EGF: variants seen among roughly 807,000 people sequenced by gnomAD.
The protein encoded by EGF is epidermal growth factor, also known as pro-epidermal growth factor.
In EGF, 95 loss-of-function variants were observed where a neutral mutation model predicts 143.8. The ratio of observed to expected loss-of-function variants is 0.66; its 90% confidence interval spans 0.56 to 0.78. The LOEUF (loss-of-function observed/expected upper bound fraction) is 0.78, where lower values mean the gene tolerates loss of function less well. EGF is among the 30% of genes least tolerant of loss of function. The probability of loss-of-function intolerance (pLI) is 0.00; values close to 1 mark genes in which losing one functional copy is unlikely to be tolerated. For synonymous variants in EGF, 510 were observed against 510.5 expected, an observed-to-expected ratio of 1.00 and a Z score of 0.01; for missense variants, 1,320 against 1,470.9, an observed-to-expected ratio of 0.90 and a Z score of 1.68.
Position 109,960,937 on chromosome 4 carries a change from C to T in EGF, c.1137C>T (p.Tyr379=), listed in dbSNP as rs971946479. ...GTAAAAACACCCCTGGATCCTATTA[C>T]TGCACGTGCCCTGTAGGATTTGTTC... ...LGCKNTPGSY[Y]CTCPVGFVLL... is the part of the protein sequence containing the mutation. Residue 379 remains tyrosine, a synonymous_variant, in exon 7 of 24, where the codon TAC becomes TAT. Transcript: ENST00000265171. The T allele has an allele frequency of 1.7e-5, 27 of 1,613,812 alleles. No homozygotes were observed. The highest frequency in any genetic ancestry group is 2.3e-5 in the Non-Finnish European group (27 of 1,179,894).
At chr4:109,985,351 A>G (rs1157793779) in intron 16 of EGF, among the ~76,000 whole-genome samples, 3 of 152,230 alleles carry the variant, frequency 2.0e-5, no homozygotes, top group African/African-American at 7.2e-5. Flanking sequence ...CAAAGTGTCT[A>G]TGGCTAAAAG....
chr4:109,914,079 A>G (rs1353679729), intron 1 of EGF, among the ~76,000 whole-genome samples: 1 of 152,206 alleles, frequency 6.6e-6, no homozygotes, highest in African/African-American at 2.4e-5. Flanking sequence ...ATAATGGGTA[A>G]ATAAGCCACA....
Position 110,011,316 on chromosome 4 carries a change from A to G in EGF, c.3485A>G (p.Glu1162Gly). 2 of 1,614,096 alleles carry G rather than the reference A, an allele frequency of 1.2e-6. No homozygotes were observed. Among genetic ancestry groups the G allele is most frequent in the Non-Finnish European group, 1.7e-6 (2 of 1,180,008 alleles). ...SDKGSCPQVM[E>G]RSFHMPSYGT... is the part of the protein sequence containing the mutation. Reference sequence around the variant, plus strand: ...AAGGGCTCCTGTCCCCAGGTAATGGAGCGAAGCTTTCATATGCCCTCCTAT... The same window carrying G: ...AAGGGCTCCTGTCCCCAGGTAATGGGGCGAAGCTTTCATATGCCCTCCTAT... Residue 1162 changes from glutamate (E) to glycine (G), a missense_variant, in exon 24 of 24, where the codon GAG becomes GGG. By Grantham distance (98) the Glu-to-Gly change is moderately conservative. Around this residue, in one of 5 missense-constraint regions of EGF, gnomAD observed 1,186 missense variants for 1,313.7 expected, o/e 0.90. Transcript: ENST00000265171.
rs201803207 is a variant in EGF, at chr4:110,011,319, G to A, written c.3488G>A (p.Arg1163Gln). 3.7e-5 allele frequency: 59 copies of A among 1,614,008 alleles called. No homozygotes were observed. Among genetic ancestry groups the A allele is most frequent in the Middle Eastern group, 1.6e-4 (1 of 6,082 alleles). ...GGCTCCTGTCCCCAGGTAATGGAGC[G>A]AAGCTTTCATATGCCCTCCTATGGG... Reference protein sequence around the residue: ...DKGSCPQVMERSFHMPSYGTQ... With the variant: ...DKGSCPQVMEQSFHMPSYGTQ... The change falls in exon 24 of 24, where the codon CGA (arginine) becomes CAA (glutamine). Residue 1163 changes from arginine to glutamine, a missense_variant. Arg to Gln is a conservative substitution (Grantham distance 43, BLOSUM62 1). Around this residue, in one of 5 missense-constraint regions of EGF, gnomAD observed 1,186 missense variants for 1,313.7 expected, o/e 0.90. Coordinates refer to ENST00000265171, the MANE Select transcript of EGF (RefSeq NM_001963.6).
intron 18 of EGF, 30 bp downstream of exon 18, chr4:109,988,739 G>A (rs759253858): frequency 1.9e-6 from 3 of 1,612,928 alleles, no homozygotes; most frequent in Non-Finnish European, 2.5e-6. Context: ...GGGGAGGAGG[G>A]CAGAGGCAGG....
At chr4:109,963,434 T>C (rs1746036577) in intron 9 of EGF, 136 bp downstream of exon 9, 1 of 1,066,374 alleles carries the variant, frequency 9.4e-7, no homozygotes, top group Non-Finnish European at 1.4e-6. Context: ...ATTGTAAATA[T>C]GAATAATATG....
In EGF at chr4:109,971,839, G is replaced by T. The variant is rs936048331; in HGVS notation, c.1724+2720G>T. On this transcript the variant is annotated intron_variant, in intron 11 of 23. Coordinates refer to ENST00000265171, the MANE Select transcript of EGF (RefSeq NM_001963.6). ...AAAGGGGCAAAGTGGGATGCTTGCA[G>T]TTCCTTTTTGGCCTAGGAAAAGACA... Among the ~76,000 whole-genome samples, 19 of 152,270 alleles carry T rather than the reference G, an allele frequency of 1.2e-4. No individual in the cohort carries two copies. The Middle Eastern group carries it at 0.01, about 82-fold the overall frequency.
intron 10 of EGF, among the ~76,000 whole-genome samples, chr4:109,967,325 G>A (rs1560705925): frequency 6.6e-6 from 1 of 152,002 alleles, no homozygotes; most frequent in Non-Finnish European, 1.5e-5. Flanking sequence ...TATTTTTGTG[G>A]ACTTTGTCAA....
chr4:109,987,638 A>C lies in EGF; in HGVS notation c.2492-106A>C, dbSNP rs11569044. 4.2e-4 allele frequency: 388 copies of C among 919,008 alleles called. No homozygotes were observed. The African/African-American group carries it at 5.6e-3, about 13-fold the overall frequency. 56.9% of individuals were successfully genotyped at this position (919,008 alleles called of 1,614,324 possible). A position where few individuals can be genotyped will look rare whatever the true frequency, so the allele number is the denominator to read the frequency against. ...CTATTTGGAGGTTAACCTGTCCCAG[A>C]ACTTGGGAAAGGAAGTGGTGGACTG... On this transcript the variant is annotated intron_variant, in intron 16 of 23. Coordinates refer to ENST00000265171, the MANE Select transcript of EGF (RefSeq NM_001963.6).
At chr4:110,010,589 C>A (rs1159191295) in intron 23 of EGF, among the ~76,000 whole-genome samples, 1 of 152,036 alleles carries the variant, frequency 6.6e-6, no homozygotes, top group Non-Finnish European at 1.5e-5. Context: ...GTAGCTGAGA[C>A]CACAGGCATG....
In EGF at chr4:109,976,126, G is replaced by T; in HGVS notation, c.1944G>T (p.Thr648=). 1 of 1,614,124 alleles carries T rather than the reference G, an allele frequency of 6.2e-7. No homozygotes were observed. The highest frequency in any genetic ancestry group is 8.5e-7 in the Non-Finnish European group (1 of 1,179,992). ...SSDLIWPSGI[T]IDFLTDKLYW... Reference sequence around the variant, plus strand: ...ATCTAATCTGGCCCAGTGGAATAACGATTGACTTCTTAACTGACAAGTTGT... The same window carrying T: ...ATCTAATCTGGCCCAGTGGAATAACTATTGACTTCTTAACTGACAAGTTGT... The change falls in exon 13 of 24, where the codon ACG becomes ACT. Residue 648 remains threonine, a synonymous_variant. Coordinates refer to ENST00000265171, the MANE Select transcript of EGF (RefSeq NM_001963.6).
chr4:109,981,217 C>G (rs1311996551), intron 15 of EGF, among the ~76,000 whole-genome samples: 1 of 152,162 alleles, frequency 6.6e-6, no homozygotes, highest in Non-Finnish European at 1.5e-5. Flanking sequence ...CTCCACCTCC[C>G]CATTTATAGT....
intron 6 of EGF, 29 bp downstream of exon 6, chr4:109,959,466 TG>T: frequency 6.2e-7 from 1 of 1,613,354 alleles, no homozygotes; most frequent in Non-Finnish European, 8.5e-7. Flanking sequence ...GTGAAGGTAA[TG>T]GAAGAGTCGC....
chr4:109,972,789 A>G (rs151285025), intron 11 of EGF, among the ~76,000 whole-genome samples: 102 of 152,278 alleles, frequency 6.7e-4, no homozygotes, highest in Non-Finnish European at 1.1e-3. Context: ...CTGCCTGTGA[A>G]TAAGGCCCTG....
At chr4:110,002,775 G>A (rs1208737626) in intron 21 of EGF, among the ~76,000 whole-genome samples, 1 of 152,002 alleles carries the variant, frequency 6.6e-6, no homozygotes, top group Non-Finnish European at 1.5e-5. Context: ...ATTAAGCCCA[G>A]TACCCAACGG....
intron 19 of EGF, 94 bp downstream of exon 19, chr4:109,993,463 C>T: frequency 6.4e-7 from 1 of 1,560,314 alleles, no homozygotes; most frequent in Non-Finnish European, 8.7e-7. Context: ...TTCTAAAAAT[C>T]ATTCAGTTCA....
At chr4:109,945,013 T>C (rs1742588032) in intron 4 of EGF, 60 bp from the exon 5 acceptor site, 2 of 1,554,504 alleles carry the variant, frequency 1.3e-6, no homozygotes, top group East Asian at 4.5e-5. Context: ...GAAGTGAAAT[T>C]CTAATAAGAC....
chr4:109,960,841 T>C, intron 6 of EGF, 26 bp from the exon 7 acceptor site: 1 of 1,613,338 alleles, frequency 6.2e-7, no homozygotes, highest in Non-Finnish European at 8.5e-7. Context: ...GCCATTTGAA[T>C]GTATTGTGCT....
At chr4:109,918,874 C>T (rs1646317334) in intron 1 of EGF, among the ~76,000 whole-genome samples, 1 of 152,178 alleles carries the variant, frequency 6.6e-6, no homozygotes, top group African/African-American at 2.4e-5. Context: ...GTGGAAGGGA[C>T]TTGCCAGACA....
Sources: allele counts gnomAD v4.1 joint callset (sites outside exome capture counted in the v4.1 genomes callset), GRCh38; gene constraint gnomAD v4.1.1; regional missense constraint gnomAD v4.1.1; transcripts MANE v1.5; gene names NCBI Gene and HGNC (gene_info 2026-07-23, HGNC 2026-07-21).